The following PRKCA variants were observed in gnomAD, a reference collection of about 807,000 sequenced individuals.
PRKCA encodes the protein protein kinase C alpha type.
Under a neutral mutation model 87.0 loss-of-function variants are expected in PRKCA, and 27 were observed. The observed-to-expected ratio is 0.31, with a 90% CI of 0.23 to 0.43. PRKCA has a LOEUF of 0.43. Ranked by LOEUF, PRKCA falls within the 20% of genes least tolerant of loss-of-function variation. PRKCA has a pLI of 1.00. For missense variants in PRKCA, 518 were observed against 852.3 expected (o/e 0.61, Z 4.88); for synonymous variants, 329 against 311.1 (o/e 1.06, Z -0.61).
At chr17:66,725,426 T>C (rs536000993) in intron 8 of PRKCA, among the ~76,000 whole-genome samples, 2 of 152,178 alleles carry the variant, frequency 1.3e-5, no homozygotes, top group South Asian at 4.1e-4. Context: ...GTGCCTGATA[T>C]AGTGCTTGGT....
intron 2 of PRKCA, among the ~76,000 whole-genome samples, chr17:66,414,366 G>T (rs1308476238): frequency 2.0e-5 from 3 of 152,134 alleles, no homozygotes; most frequent in Admixed American, 2.0e-4. Context: ...CATGGAAAAT[G>T]CCTCCCTCCC....
chr17:66,422,514 A>G (rs1020302004), intron 2 of PRKCA, among the ~76,000 whole-genome samples: 4 of 152,204 alleles, frequency 2.6e-5, no homozygotes, highest in Admixed American at 6.5e-5. Context: ...TGCCCTGAAG[A>G]CATGTTAGTT....
At chr17:66,738,677 G>T in intron 10 of PRKCA, 87 bp from the exon 11 acceptor site, 1 of 1,057,482 alleles carries the variant, frequency 9.5e-7, no homozygotes, top group South Asian at 1.3e-5. Flanking sequence ...TTTAACTAAT[G>T]AGAAAGCAAA....
At chr17:66,451,521 A>G (rs1416298196) in intron 2 of PRKCA, among the ~76,000 whole-genome samples, 1 of 152,182 alleles carries the variant, frequency 6.6e-6, no homozygotes, top group East Asian at 1.9e-4. Context: ...GTTTCTTCTA[A>G]TTAGAATACA....
intron 2 of PRKCA, among the ~76,000 whole-genome samples, chr17:66,353,750 A>T (rs1469437513): frequency 6.6e-6 from 1 of 152,164 alleles, no homozygotes; most frequent in African/African-American, 2.4e-5. Context: ...CAATAGAAAC[A>T]GTGTGTAGAA....
At chr17:66,687,751 C>A (rs1233326293) in intron 6 of PRKCA, among the ~76,000 whole-genome samples, 1 of 152,166 alleles carries the variant, frequency 6.6e-6, no homozygotes, top group African/African-American at 2.4e-5. Flanking sequence ...CATTTAAAGC[C>A]AGCCTGGGAG....
At chr17:66,779,744 C>A (rs995345700) in intron 14 of PRKCA, among the ~76,000 whole-genome samples, 1 of 152,080 alleles carries the variant, frequency 6.6e-6, no homozygotes, top group East Asian at 1.9e-4. Context: ...TGGGAAGGAG[C>A]GGGTGAGAGG....
intron 3 of PRKCA, among the ~76,000 whole-genome samples, chr17:66,579,792 G>T (rs1969362919): frequency 6.6e-6 from 1 of 152,166 alleles, no homozygotes. Context: ...ATTTTTATGT[G>T]ATCAGACTTG....
In PRKCA at chr17:66,414,303, G is replaced by A. The variant is rs554132736; in HGVS notation, c.206-81898G>A. ...GAGTGAGTTCTCACGAGATCTGGTC[G>A]TTTAAAAGTGTGTAGCACCTCCCTG... On this transcript the variant is annotated intron_variant, in intron 2 of 16. Transcript: ENST00000413366. Among the ~76,000 whole-genome samples the A allele has an allele frequency of 2.6e-5, 4 of 152,202 alleles. No individual in the cohort carries two copies. In the South Asian group the frequency reaches 6.2e-4, roughly 24 times the overall value.
At chr17:66,705,002 G>C (rs1567986079) in intron 8 of PRKCA, among the ~76,000 whole-genome samples, 1 of 152,100 alleles carries the variant, frequency 6.6e-6, no homozygotes, top group East Asian at 1.9e-4. Flanking sequence ...ATAAATTGTA[G>C]CTATTTGTTG....
At chr17:66,434,466 T>A (rs977945858) in intron 2 of PRKCA, among the ~76,000 whole-genome samples, 2 of 152,126 alleles carry the variant, frequency 1.3e-5, no homozygotes, top group Non-Finnish European at 2.9e-5. Context: ...ATCCTGTCCT[T>A]GGGTGAACAG....
At chr17:66,540,848 C>T (rs898513607) in intron 3 of PRKCA, among the ~76,000 whole-genome samples, 1 of 152,208 alleles carries the variant, frequency 6.6e-6, no homozygotes, top group East Asian at 1.9e-4. Context: ...AGATCTGGCA[C>T]TTCCTGGACC....
intron 10 of PRKCA, among the ~76,000 whole-genome samples, chr17:66,736,932 A>G (rs1028274440): frequency 6.6e-6 from 1 of 152,228 alleles, no homozygotes; most frequent in African/African-American, 2.4e-5. Context: ...AAATATTAAT[A>G]CATACTGTCT....
chr17:66,338,036 A>G (rs1906812022), intron 2 of PRKCA, among the ~76,000 whole-genome samples: 1 of 126,066 alleles, frequency 7.9e-6, no homozygotes, highest in African/African-American at 3.3e-5. Context: ...CCAATTGAGT[A>G]GTGATTTTTT....
At chr17:66,637,642 T>C (rs1971180653) in intron 3 of PRKCA, among the ~76,000 whole-genome samples, 1 of 151,642 alleles carries the variant, frequency 6.6e-6, no homozygotes, top group African/African-American at 2.4e-5. Flanking sequence ...ATATCATTAA[T>C]CATCTACACA....
chr17:66,473,893 C>A (rs2144025289), intron 2 of PRKCA, among the ~76,000 whole-genome samples: 2 of 152,172 alleles, frequency 1.3e-5, no homozygotes, highest in East Asian at 3.9e-4. Flanking sequence ...GAGATCACGC[C>A]ATTGCACTCC....
At chr17:66,326,915 A>G (rs182934669) in intron 2 of PRKCA, among the ~76,000 whole-genome samples, 1 of 152,176 alleles carries the variant, frequency 6.6e-6, no homozygotes, top group East Asian at 1.9e-4. Flanking sequence ...GGATTCATGT[A>G]AAAATCACCA....
intron 5 of PRKCA, among the ~76,000 whole-genome samples, chr17:66,657,214 T>G (rs1394987693): frequency 1.3e-5 from 2 of 152,244 alleles, no homozygotes; most frequent in Non-Finnish European, 2.9e-5. Flanking sequence ...CTGAGAATGG[T>G]AGCTGCCTTT....
chr17:66,760,371 C>G (rs868387976), intron 13 of PRKCA, among the ~76,000 whole-genome samples: 1 of 151,776 alleles, frequency 6.6e-6, no homozygotes, highest in Non-Finnish European at 1.5e-5. Flanking sequence ...AACGTAGATA[C>G]GACTTATCAA....
Sources: allele counts gnomAD v4.1 joint callset (sites outside exome capture counted in the v4.1 genomes callset), GRCh38; gene constraint gnomAD v4.1.1; transcripts MANE v1.5; gene names NCBI Gene and HGNC (gene_info 2026-07-23, HGNC 2026-07-21).